The following NAB1 variants were observed in gnomAD, a reference collection of about 807,000 sequenced individuals.
NAB1 encodes NGFI-A-binding protein 1.
NAB1 carries 25 observed loss-of-function variants against 49.9 expected under a neutral mutation model. The ratio of observed to expected loss-of-function variants is 0.50; its 90% CI spans 0.37 to 0.70. NAB1 has a LOEUF of 0.70. Ranked by LOEUF, NAB1 falls within the 30% of genes least tolerant of loss-of-function variation. NAB1 has a pLI of 0.00. For missense variants in NAB1, 489 were observed against 575.9 expected (o/e 0.85, Z 1.54); for synonymous variants, 198 against 215.6 (o/e 0.92, Z 0.71).
rs1220031797 is a variant in NAB1 at position 190,685,104 on chromosome 2, C to T, written c.1096-372C>T. Among the ~76,000 whole-genome samples, 1 of 152,176 alleles carries T rather than the reference C, an allele frequency of 6.6e-6. No individual in the cohort carries two copies. Among genetic ancestry groups the T allele is most frequent in the Admixed American group, 6.5e-5 (1 of 15,286 alleles). On this transcript the variant is annotated intron_variant, in intron 7 of 9. Coordinates refer to ENST00000337386, the MANE Select transcript of NAB1 (RefSeq NM_005966.4). The surrounding 1 kb of genome is among the most constrained non-coding windows in gnomAD (Gnocchi z 4.5). ...TCCTAAAATAAAAATGCCAAGATTT[C>T]GCCCCAAGTGTTAGAAGTAGTTTAT...
intron 5 of NAB1, among the ~76,000 whole-genome samples, chr2:190,671,327 C>G (rs4368360): frequency 0.22 from 33,518 of 152,176 alleles, 3,796 homozygotes; most frequent in Non-Finnish European, 0.25. Context: ...AAAACCAGCA[C>G]TATAGGCATT....
At chr2:190,672,997 T>C (rs1694892311) in intron 5 of NAB1, 104 bp from the exon 6 acceptor site, 1 of 921,656 alleles carries the variant, frequency 1.1e-6, no homozygotes, top group Admixed American at 2.4e-5. Flanking sequence ...TGTTGGAGTT[T>C]CAGGGTATAT....
At chr2:190,673,281 CTT>C in intron 6 of NAB1, 129 bp downstream of exon 6, 4 of 807,348 alleles carry the variant, frequency 5.0e-6, no homozygotes, top group Middle Eastern at 3.3e-4. Flanking sequence ...TTCAATAAAT[CTT>C]TTAAAAATAT....
In NAB1 at chr2:190,689,205, A is replaced by G. The variant is rs4853516; in HGVS notation, c.1376-1040A>G. On this transcript the variant is annotated intron_variant, in intron 9 of 9. Coordinates refer to ENST00000337386, the MANE Select transcript of NAB1 (RefSeq NM_005966.4). The surrounding 1 kb of genome is among the most constrained non-coding windows in gnomAD (Gnocchi z 4.3). Reference sequence around the variant, plus strand: ...AGCCTGGGTCCAGATCTTAGCACCGATACTTGACTGAGTGACCCTGACTGA... The same window carrying G: ...AGCCTGGGTCCAGATCTTAGCACCGGTACTTGACTGAGTGACCCTGACTGA... 0.42 allele frequency among the ~76,000 whole-genome samples: 63,804 copies of G among 151,952 alleles called. 13,911 individuals are homozygous for G. The highest frequency in any genetic ancestry group is 0.71 in the East Asian group (3,692 of 5,178).
At position 190,685,630 on chromosome 2, in the gene NAB1, A is replaced by G. The variant is rs556695533; in HGVS notation, c.1250A>G (p.Asp417Gly). 8.2e-4 allele frequency: 1,317 copies of G among 1,608,102 alleles called. 12 individuals are homozygous for G. In the South Asian group the frequency reaches 0.014, roughly 17 times the overall value. The change falls in exon 8 of 10, where the codon GAT becomes GGT. Residue 417 changes from aspartate to glycine, a missense_variant. This residue lies in a region of NAB1 where 212 missense variants were observed against 199.3 expected (regional missense o/e 1.06). Transcript: ENST00000337386. This position sits in a 1 kb window ranked among gnomAD's most constrained non-coding sequence, Gnocchi z 4.5. The part of the protein sequence containing the change: ...SPNGLTSDNS[D>G]GQGERPLNLR... ...AACGGCTTGACTTCCGATAACTCAG[A>G]TGGACAAGGTACATCTTTAGAATAT...
chr2:190,680,460 G>A lies in NAB1; in HGVS notation c.1006-3278G>A, dbSNP rs1695280394. ...AGACACCCTGGCCTCTGGGATGCCT[G>A]CTCTGCCACAGCGCCCTCTGCTGTG... is the stretch of plus-strand genomic sequence containing the variant. On this transcript the variant is annotated intron_variant, in intron 6 of 9. Transcript: ENST00000337386. The surrounding 1 kb of genome is among the most constrained non-coding windows in gnomAD (Gnocchi z 5.2). 6.6e-6 allele frequency among the ~76,000 whole-genome samples: 1 copy of A among 152,170 alleles called. No homozygotes were observed. Among genetic ancestry groups the A allele is most frequent in the Non-Finnish European group, 1.5e-5 (1 of 68,016 alleles).
rs1278913329 is a variant in NAB1 at position 190,685,457 on chromosome 2, T to C, written c.1096-19T>C. On this transcript the variant is annotated intron_variant, in intron 7 of 9. Coordinates refer to ENST00000337386, the MANE Select transcript of NAB1 (RefSeq NM_005966.4). This position sits in a 1 kb window ranked among gnomAD's most constrained non-coding sequence, Gnocchi z 4.5. Reference sequence around the variant, plus strand: ...TAGAATGTTTCAGTTACTGATTTGATTTTTGCTTTACTTACTAGCAGCCTG... The same window carrying C: ...TAGAATGTTTCAGTTACTGATTTGACTTTTGCTTTACTTACTAGCAGCCTG... 1 of 1,587,258 alleles carries C rather than the reference T, an allele frequency of 6.3e-7. No homozygotes were observed. Among genetic ancestry groups the C allele is most frequent in the East Asian group, 2.2e-5 (1 of 44,500 alleles).
At position 190,659,316 on chromosome 2, in the gene NAB1, A is replaced by G. The variant is rs773356500; in HGVS notation, c.140A>G (p.Glu47Gly). The change falls in exon 4 of 10, where the codon GAG becomes GGG. Residue 47 changes from glutamate to glycine, a missense_variant. This residue lies in a region of NAB1 where 35 missense variants were observed against 85.6 expected (regional missense o/e 0.41). Transcript: ENST00000337386. This position sits in a 1 kb window ranked among gnomAD's most constrained non-coding sequence, Gnocchi z 6.2. ...DVQQLCEAGE[E>G]EFLEIMALVG... ...CAGCAACTCTGTGAAGCAGGAGAAG[A>G]GGAGTTTTTGGAAATCATGGCACTC... The G allele has an allele frequency of 6.2e-7, 1 of 1,614,110 alleles. No individual in the cohort carries two copies. Among genetic ancestry groups the G allele is most frequent in the Non-Finnish European group, 8.5e-7 (1 of 1,180,016 alleles).
At position 190,682,668 on chromosome 2, in the gene NAB1, A is replaced by G. The variant is rs1695406824; in HGVS notation, c.1006-1070A>G. Among the ~76,000 whole-genome samples the G allele has an allele frequency of 1.3e-5, 2 of 152,382 alleles. No homozygotes were observed. The highest frequency in any genetic ancestry group is 4.1e-4 in the South Asian group (2 of 4,832). ...CAAATTTCTGAAGCAGAATTTCTCT[A>G]AACTTTATAGCAACAGTTGAAATCA... On this transcript the variant is annotated intron_variant, in intron 6 of 9. Transcript: ENST00000337386. This position sits in a 1 kb window ranked among gnomAD's most constrained non-coding sequence, Gnocchi z 4.1.
chr2:190,653,579 A>G (rs141670631), intron 2 of NAB1: 1 of 152,274 alleles, frequency 6.6e-6, no homozygotes, highest in East Asian at 1.9e-4. Context: ...GTGTATTGCT[A>G]TATATGTTTG....
chr2:190,675,887 C>G lies in NAB1; in HGVS notation c.1005+2735C>G, dbSNP rs1403586488. Reference sequence around the variant, plus strand: ...TGTGTCTTGTGTGTATGTATACCTACACATGTAGATGGTGTAATCCTTTGC... The same window carrying G: ...TGTGTCTTGTGTGTATGTATACCTAGACATGTAGATGGTGTAATCCTTTGC... On this transcript the variant is annotated intron_variant, in intron 6 of 9. Transcript: ENST00000337386. The surrounding 1 kb of genome is among the most constrained non-coding windows in gnomAD (Gnocchi z 5.2). Among the ~76,000 whole-genome samples the G allele has an allele frequency of 6.6e-6, 1 of 152,158 alleles. No homozygotes were observed. Among genetic ancestry groups the G allele is most frequent in the East Asian group, 1.9e-4 (1 of 5,200 alleles).
rs1221632071 is a variant in NAB1 at position 190,692,543 on chromosome 2, A to C, written c.*2210A>C. ...ATTTGAATTGTATATGTGAATTGGA[A>C]GTTATAATTAGTTGATTTTTTCATT... On this transcript the variant is annotated 3_prime_UTR_variant, in exon 10 of 10. Transcript: ENST00000337386. The surrounding 1 kb of genome is among the most constrained non-coding windows in gnomAD (Gnocchi z 5.2). 1 of 152,654 alleles carries C rather than the reference A, an allele frequency of 6.6e-6. No homozygotes were observed. The highest frequency in any genetic ancestry group is 1.5e-5 in the Non-Finnish European group (1 of 68,040). 9.5% of individuals were successfully genotyped at this position (152,654 alleles called of 1,614,324 possible).
intron 4 of NAB1, 114 bp downstream of exon 4, chr2:190,660,109 A>G: frequency 5.5e-6 from 5 of 904,974 alleles, no homozygotes; most frequent in Non-Finnish European, 8.4e-6. Flanking sequence ...AAGCAGTATT[A>G]AAAACATTGA....
At chr2:190,673,345 C>T (rs1694912991) in intron 6 of NAB1, 193 bp downstream of exon 6, 1 of 599,324 alleles carries the variant, frequency 1.7e-6, no homozygotes, top group East Asian at 3.1e-5. Context: ...AATTAGCAGA[C>T]CAAGGAAAAT....
rs942525715 is a variant in NAB1 at position 190,663,857 on chromosome 2, T to C, written c.819+3862T>C. Among the ~76,000 whole-genome samples, 1 of 152,240 alleles carries C rather than the reference T, an allele frequency of 6.6e-6. No individual in the cohort carries two copies. Among genetic ancestry groups the C allele is most frequent in the Non-Finnish European group, 1.5e-5 (1 of 68,038 alleles). On this transcript the variant is annotated intron_variant, in intron 4 of 9. Coordinates refer to ENST00000337386, the MANE Select transcript of NAB1 (RefSeq NM_005966.4). This position sits in a 1 kb window ranked among gnomAD's most constrained non-coding sequence, Gnocchi z 4.2. Reference sequence around the variant, plus strand: ...TTCAATTTTAATTATTTTTATGATTTCTGACCATGTGTTATTTAAAAGTGT... The same window carrying C: ...TTCAATTTTAATTATTTTTATGATTCCTGACCATGTGTTATTTAAAAGTGT...
intron 6 of NAB1, among the ~76,000 whole-genome samples, chr2:190,681,137 A>T (rs1695319224): frequency 6.6e-6 from 1 of 152,206 alleles, no homozygotes; most frequent in African/African-American, 2.4e-5. Context: ...TGTGAGTTTC[A>T]TAAAGGTAGT....
intron 5 of NAB1, 106 bp from the exon 6 acceptor site, chr2:190,672,995 T>TCCCC (rs1694892135): frequency 2.2e-6 from 2 of 901,352 alleles, no homozygotes; most frequent in Non-Finnish European, 3.5e-6. Context: ...GGTGTTGGAG[T>TCCCC]TTCAGGGTAT....
intron 6 of NAB1, 67 bp from the exon 7 acceptor site, chr2:190,683,671 C>A: frequency 8.8e-7 from 1 of 1,132,974 alleles, no homozygotes; most frequent in Non-Finnish European, 1.3e-6. Context: ...GCTTTATTTT[C>A]AAGTTTTTGA....
At position 190,690,616 on chromosome 2, in the gene NAB1, GCATT is replaced by G. The variant is rs1201912804; in HGVS notation, c.*288_*291del. 7.2e-6 allele frequency: 2 copies of G among 279,650 alleles called. No homozygotes were observed. Among genetic ancestry groups the G allele is most frequent in the Non-Finnish European group, 1.4e-5 (2 of 147,708 alleles). The allele number at this position is 279,650 out of a possible 1,614,324, so 17.3% of individuals were successfully genotyped here. On this transcript the variant is annotated 3_prime_UTR_variant, in exon 10 of 10. Transcript: ENST00000337386. ...AAAGGCTTACAAATCAATATTGTAA[GCATT>G]CATTATTTAAGAATGTACAATGTAT...
Sources: gnomAD v4.1 joint callset for allele counts (sites outside exome capture counted in the v4.1 genomes callset) on GRCh38, gnomAD v4.1.1 for gene constraint, gnomAD v4.1.1 regional missense constraint, Gnocchi (gnomAD v3.1) non-coding constraint, MANE v1.5 for transcripts, NCBI Gene and HGNC (gene_info 2026-07-23, HGNC 2026-07-21) for gene names.